Variants in NXPE2 observed in about 807,000 individuals in gnomAD.
The protein encoded by NXPE2 is neurexophilin and PC-esterase domain family member 2.
NXPE2 carries 34 observed loss-of-function variants against 34.4 expected under a neutral mutation model. That is an observed-to-expected ratio of 0.99 (90% CI 0.75 to 1.31). The LOEUF is 1.31. NXPE2 is among the 40% of genes most tolerant of loss of function. The pLI, the probability that NXPE2 is intolerant of heterozygous loss-of-function variation, is 0.00. For missense variants in NXPE2, 649 were observed against 672.5 expected (o/e 0.97, Z 0.39); for synonymous variants, 235 against 231.3 (o/e 1.02, Z -0.15).
At chr11:114,490,613 A>G in the NXPE2 span, among the ~76,000 whole-genome samples, 1 of 152,222 alleles carries the variant, frequency 6.6e-6, no homozygotes, top group African/African-American at 2.4e-5. Flanking sequence ...AGGATTCCCT[A>G]TTTAATAAAT....
chr11:114,724,873 T>C, the NXPE2 span, among the ~76,000 whole-genome samples: 4 of 144,124 alleles, frequency 2.8e-5, no homozygotes, highest in Non-Finnish European at 4.5e-5. Context: ...CTCCACGTAA[T>C]ATTGCCTTCA....
chr11:114,504,373 A>G, the NXPE2 span, among the ~76,000 whole-genome samples: 7 of 152,238 alleles, frequency 4.6e-5, no homozygotes, highest in South Asian at 1.5e-3. Flanking sequence ...TGCCACCCCA[A>G]GCCAATGCCA....
At chr11:114,679,856 C>A in intron 2 of NXPE2, 94 bp downstream of exon 2, 1 of 719,028 alleles carries the variant, frequency 1.4e-6, no homozygotes, top group Non-Finnish European at 2.4e-6. Context: ...AAGTTAAAAG[C>A]ATATCATCTT....
the NXPE2 span, among the ~76,000 whole-genome samples, chr11:114,761,156 C>T: frequency 1.1e-4 from 17 of 152,296 alleles, no homozygotes; most frequent in South Asian, 1.7e-3. Flanking sequence ...CAGAAGTCCT[C>T]AGAAAGGAGG....
the NXPE2 span, among the ~76,000 whole-genome samples, chr11:114,553,296 G>A: frequency 6.6e-6 from 1 of 152,074 alleles, no homozygotes; most frequent in Non-Finnish European, 1.5e-5. Context: ...AGATTCCCTC[G>A]GAGAGTCCCT....
chr11:114,674,705 C>A (rs1449360736), upstream of NXPE2, among the ~76,000 whole-genome samples: 1 of 151,710 alleles, frequency 6.6e-6, no homozygotes, highest in Non-Finnish European at 1.5e-5. Flanking sequence ...TGGCTTCTCT[C>A]ATGAATTCTA....
At chr11:114,514,130 T>C in the NXPE2 span, among the ~76,000 whole-genome samples, 1 of 152,232 alleles carries the variant, frequency 6.6e-6, no homozygotes, top group African/African-American at 2.4e-5. Flanking sequence ...GCCTTGCTTT[T>C]TTATGTAATG....
At chr11:114,789,872 A>T in the NXPE2 span, among the ~76,000 whole-genome samples, 1 of 152,346 alleles carries the variant, frequency 6.6e-6, no homozygotes, top group South Asian at 2.1e-4. Flanking sequence ...CCTCAAAAGC[A>T]GGGGTTGCAT....
the NXPE2 span, among the ~76,000 whole-genome samples, chr11:114,809,701 C>A: frequency 4.0e-4 from 58 of 146,082 alleles, 1 homozygote; most frequent in Admixed American, 3.2e-3. Flanking sequence ...GGATACAAAC[C>A]AATGGAAGAA....
the NXPE2 span, among the ~76,000 whole-genome samples, chr11:114,802,878 G>A: frequency 6.8e-6 from 1 of 147,558 alleles, no homozygotes; most frequent in African/African-American, 2.5e-5. Context: ...AAAGTAAAAT[G>A]AGTCATGGAA....
chr11:114,601,569 T>C, the NXPE2 span, among the ~76,000 whole-genome samples: 302 of 84,944 alleles, frequency 3.6e-3, no homozygotes, highest in Middle Eastern at 4.8e-3. Flanking sequence ...TATAATTATA[T>C]ATTATAATTA....
chr11:114,693,481 G>A (rs7109284), intron 2 of NXPE2, among the ~76,000 whole-genome samples: 17,026 of 152,086 alleles, frequency 0.11, 1,262 homozygotes, highest in African/African-American at 0.21. Flanking sequence ...GACTGTCCAC[G>A]TCCCAGACTG....
the NXPE2 span, among the ~76,000 whole-genome samples, chr11:114,748,258 A>G: frequency 2.0e-5 from 3 of 152,170 alleles, no homozygotes; most frequent in Admixed American, 2.0e-4. Context: ...TTGGGAGTAA[A>G]TTGCCTATGT....
chr11:114,562,065 G>A, the NXPE2 span, among the ~76,000 whole-genome samples: 3 of 152,050 alleles, frequency 2.0e-5, no homozygotes, highest in African/African-American at 7.2e-5. Flanking sequence ...CTAAATTCTT[G>A]TATCAACTGT....
the NXPE2 span, among the ~76,000 whole-genome samples, chr11:114,738,659 A>G: frequency 6.6e-6 from 1 of 152,204 alleles, no homozygotes; most frequent in South Asian, 2.1e-4. Flanking sequence ...TGAGACTTCA[A>G]CCTTCAACTA....
chr11:114,731,369 T>A, the NXPE2 span, among the ~76,000 whole-genome samples: 1 of 152,210 alleles, frequency 6.6e-6, no homozygotes, highest in Admixed American at 6.5e-5. Context: ...ACTGTATGCT[T>A]GGGCAATTAT....
the NXPE2 span, among the ~76,000 whole-genome samples, chr11:114,477,538 A>G: frequency 6.6e-6 from 1 of 152,130 alleles, no homozygotes; most frequent in Admixed American, 6.6e-5. Context: ...ACCCTCCACA[A>G]AAAAAGGAAA....
chr11:114,581,901 C>T, the NXPE2 span: 1 of 734,994 alleles, frequency 1.4e-6, no homozygotes, highest in Non-Finnish European at 2.3e-6. Flanking sequence ...ATTATTATGC[C>T]TACAGTTTCA....
At chr11:114,618,138 G>A in the NXPE2 span, among the ~76,000 whole-genome samples, 113 of 151,084 alleles carry the variant, frequency 7.5e-4, no homozygotes, top group Middle Eastern at 3.4e-3. Flanking sequence ...AGTGTTACCT[G>A]GTGGATAGTA....
Sources: gnomAD v4.1 joint callset for allele counts (sites outside exome capture counted in the v4.1 genomes callset) on GRCh38, gnomAD v4.1.1 for gene constraint, MANE v1.5 for transcripts, NCBI Gene and HGNC (gene_info 2026-07-23, HGNC 2026-07-21) for gene names.